MB21D2: variants seen among roughly 807,000 people sequenced by gnomAD.
MB21D2 encodes nucleotidyltransferase MB21D2.
In MB21D2, 9 loss-of-function variants were observed where a neutral mutation model predicts 33.3. The observed-to-expected ratio is 0.27, with a 90% CI of 0.16 to 0.47. MB21D2 has a LOEUF of 0.47. MB21D2 is among the 20% of genes least tolerant of loss of function. The probability of loss-of-function intolerance (pLI) is 0.99; values close to 1 mark genes in which losing one functional copy is unlikely to be tolerated. For missense variants in MB21D2, 540 were observed against 624.6 expected (o/e 0.86, Z 1.44); for synonymous variants, 241 against 236.3 (o/e 1.02, Z -0.18).
chr3:192,822,456 T>C (rs898658457), intron 1 of MB21D2, among the ~76,000 whole-genome samples: 52 of 137,614 alleles, frequency 3.8e-4, no homozygotes, highest in Non-Finnish European at 7.4e-4. Context: ...CCCACCCCTT[T>C]TGGATATCCA....
intron 1 of MB21D2, among the ~76,000 whole-genome samples, chr3:192,806,672 T>C (rs938106489): frequency 6.6e-6 from 1 of 152,188 alleles, no homozygotes; most frequent in African/African-American, 2.4e-5. Flanking sequence ...CCTGAATACC[T>C]CATTAACCGT....
chr3:192,825,556 CCACA>C (rs1712157079), intron 1 of MB21D2, among the ~76,000 whole-genome samples: 1 of 152,166 alleles, frequency 6.6e-6, no homozygotes. Flanking sequence ...AGCTTCCAGC[CCACA>C]CAATCTGCAA....
At chr3:192,865,730 G>A (rs961092053) in intron 1 of MB21D2, among the ~76,000 whole-genome samples, 1 of 151,842 alleles carries the variant, frequency 6.6e-6, no homozygotes, top group African/African-American at 2.4e-5. Flanking sequence ...CCATTCTTCT[G>A]TGTTCAACAT....
chr3:192,900,844 G>A (rs1233287442), intron 1 of MB21D2, among the ~76,000 whole-genome samples: 1 of 152,100 alleles, frequency 6.6e-6, no homozygotes, highest in East Asian at 1.9e-4. Flanking sequence ...GGGAGGCTGA[G>A]GCAGGAGAAT....
intron 1 of MB21D2, among the ~76,000 whole-genome samples, chr3:192,877,794 T>G (rs956322731): frequency 6.6e-6 from 1 of 152,194 alleles, no homozygotes; most frequent in Non-Finnish European, 1.5e-5. Flanking sequence ...CAAACTCACA[T>G]GCAAGTACTG....
intron 1 of MB21D2, among the ~76,000 whole-genome samples, chr3:192,865,751 T>G (rs2108635497): frequency 6.6e-6 from 1 of 152,226 alleles, no homozygotes; most frequent in Non-Finnish European, 1.5e-5. Flanking sequence ...ATGATTGTCT[T>G]TATCAGCCAC....
chr3:192,848,859 A>G (rs1712726018), intron 1 of MB21D2, among the ~76,000 whole-genome samples: 1 of 152,200 alleles, frequency 6.6e-6, no homozygotes, highest in Non-Finnish European at 1.5e-5. Context: ...CTAAGCTTCC[A>G]CTATGGAAAG....
chr3:192,897,352 C>CA, intron 1 of MB21D2, among the ~76,000 whole-genome samples: 1 of 152,290 alleles, frequency 6.6e-6, no homozygotes, highest in East Asian at 1.9e-4. Context: ...CTCCTGCTCA[C>CA]AAGCCTCTGT....
chr3:192,834,335 A>C (rs141572514), intron 1 of MB21D2, among the ~76,000 whole-genome samples: 312 of 151,638 alleles, frequency 2.1e-3, no homozygotes, highest in African/African-American at 4.5e-3. Flanking sequence ...AAAACCAAAC[A>C]AAACAAAACA....
At chr3:192,801,139 AAATT>A (rs1215200926) in intron 1 of MB21D2, among the ~76,000 whole-genome samples, 5 of 152,254 alleles carry the variant, frequency 3.3e-5, no homozygotes, top group African/African-American at 1.2e-4. Flanking sequence ...AAAATGCATG[AAATT>A]AATAGGTAGA....
At chr3:192,866,062 T>TA (rs879838079) in intron 1 of MB21D2, among the ~76,000 whole-genome samples, 7 of 145,978 alleles carry the variant, frequency 4.8e-5, no homozygotes, top group Non-Finnish European at 6.1e-5. Flanking sequence ...AATAAATAAA[T>TA]AAAAAAAAAA....
At chr3:192,820,993 C>G (rs1712040377) in intron 1 of MB21D2, among the ~76,000 whole-genome samples, 1 of 152,070 alleles carries the variant, frequency 6.6e-6, no homozygotes, top group Non-Finnish European at 1.5e-5. Context: ...GTCCCGAACT[C>G]CTGGCCTCAA....
chr3:192,853,099 T>C (rs1712843211), intron 1 of MB21D2, among the ~76,000 whole-genome samples: 1 of 152,130 alleles, frequency 6.6e-6, no homozygotes, highest in Non-Finnish European at 1.5e-5. Context: ...ATTCAGTATA[T>C]TGACTTTCTG....
chr3:192,908,800 A>G (rs1392395328), intron 1 of MB21D2, among the ~76,000 whole-genome samples: 14 of 152,114 alleles, frequency 9.2e-5, no homozygotes. Flanking sequence ...TAAAGCGGAC[A>G]TAAGGTGTCA....
At chr3:192,870,618 G>A (rs1713269828) in intron 1 of MB21D2, among the ~76,000 whole-genome samples, 1 of 145,826 alleles carries the variant, frequency 6.9e-6, no homozygotes, top group Non-Finnish European at 1.5e-5. Flanking sequence ...GGCTGAGGCA[G>A]GAGAATCACT....
chr3:192,859,221 A>G (rs953841258), intron 1 of MB21D2, among the ~76,000 whole-genome samples: 1 of 152,192 alleles, frequency 6.6e-6, no homozygotes, highest in Non-Finnish European at 1.5e-5. Flanking sequence ...CCTGATAAAA[A>G]TATTCACTCC....
chr3:192,823,285 A>G (rs926543896), intron 1 of MB21D2, among the ~76,000 whole-genome samples: 2 of 152,232 alleles, frequency 1.3e-5, no homozygotes, highest in African/African-American at 4.8e-5. Context: ...AAAAACATTG[A>G]GTAAATGTCT....
At chr3:192,909,978 G>A (rs1269800071) in intron 1 of MB21D2, among the ~76,000 whole-genome samples, 2 of 147,138 alleles carry the variant, frequency 1.4e-5, no homozygotes, top group Non-Finnish European at 3.0e-5. Context: ...GAGAGAGAGA[G>A]AGAGAAAAGA....
intron 1 of MB21D2, among the ~76,000 whole-genome samples, chr3:192,834,197 G>C (rs911105263): frequency 1.3e-5 from 2 of 151,832 alleles, no homozygotes; most frequent in Non-Finnish European, 2.9e-5. Context: ...CACACCTATA[G>C]TCCCAGCTAC....
Sources: gnomAD v4.1 joint callset for allele counts (sites outside exome capture counted in the v4.1 genomes callset) on GRCh38, gnomAD v4.1.1 for gene constraint, MANE v1.5 for transcripts, NCBI Gene and HGNC (gene_info 2026-07-23, HGNC 2026-07-21) for gene names.